Variants in LUZP2 observed in about 807,000 individuals in gnomAD.
LUZP2 encodes the protein leucine zipper protein 2.
Under a neutral mutation model 51.6 loss-of-function variants are expected in LUZP2, and 52 were observed. The ratio of observed to expected loss-of-function variants is 1.01; its 90% CI spans 0.81 to 1.27. The LOEUF (loss-of-function observed/expected upper bound fraction) is 1.27. Ranked by LOEUF, LUZP2 falls within the 50% of genes most tolerant of loss-of-function variation. The pLI is 0.00. For synonymous variants in LUZP2, 154 were observed against 137.3 expected (o/e 1.12, Z -0.85); for missense variants, 436 against 395.4 (o/e 1.10, Z -0.87).
chr11:24,860,428 C>T (rs1416647533), intron 5 of LUZP2, among the ~76,000 whole-genome samples: 1 of 152,046 alleles, frequency 6.6e-6, no homozygotes, highest in Non-Finnish European at 1.5e-5. Flanking sequence ...GAAGCACAGC[C>T]CCACCACCAA....
intron 1 of LUZP2, among the ~76,000 whole-genome samples, chr11:24,551,655 C>T (rs565464368): frequency 1.3e-5 from 2 of 151,710 alleles, no homozygotes; most frequent in East Asian, 3.9e-4. Context: ...CAAAATATAT[C>T]AAAATTTGAC....
chr11:24,551,662 T>A (rs901270514), intron 1 of LUZP2, among the ~76,000 whole-genome samples: 2 of 151,908 alleles, frequency 1.3e-5, no homozygotes, highest in African/African-American at 4.8e-5. Context: ...TATCAAAATT[T>A]GACACAGTCA....
chr11:24,771,825 T>G lies in LUZP2; in HGVS notation c.396+8517T>G, dbSNP rs890929093. ...GATCTGATGGTTTTATAAATTAGAGTTACCCTGCACAAGCTCTTCTTGCCT... is the reference window on the plus strand; with the variant it reads ...GATCTGATGGTTTTATAAATTAGAGGTACCCTGCACAAGCTCTTCTTGCCT... On this transcript the variant is annotated intron_variant, in intron 5 of 11. Transcript: ENST00000336930. Among the ~76,000 whole-genome samples, 3 of 151,992 alleles carry G rather than the reference T, an allele frequency of 2.0e-5. No individual in the cohort carries two copies. The East Asian group carries it at 5.8e-4, about 29-fold the overall frequency.
chr11:24,937,907 A>G (rs1854634827), intron 7 of LUZP2, among the ~76,000 whole-genome samples: 1 of 151,838 alleles, frequency 6.6e-6, no homozygotes, highest in African/African-American at 2.4e-5. Context: ...TCTCAAAAAA[A>G]AAAAAAAGAA....
chr11:25,010,822 G>T (rs1856964004), intron 9 of LUZP2, among the ~76,000 whole-genome samples: 1 of 152,032 alleles, frequency 6.6e-6, no homozygotes, highest in Non-Finnish European at 1.5e-5. Flanking sequence ...ACTCCAGCCT[G>T]GGTGACAGAG....
At chr11:24,621,710 T>C (rs1159737022) in intron 1 of LUZP2, among the ~76,000 whole-genome samples, 1 of 152,212 alleles carries the variant, frequency 6.6e-6, no homozygotes, top group Non-Finnish European at 1.5e-5. Context: ...ATGCTCATTA[T>C]TCTCATAGAA....
At chr11:24,600,978 A>G (rs892338782) in intron 1 of LUZP2, among the ~76,000 whole-genome samples, 8 of 152,136 alleles carry the variant, frequency 5.3e-5, no homozygotes, top group Admixed American at 3.3e-4. Context: ...TAAGAGTACT[A>G]ATCAGTTCAG....
At chr11:24,907,964 T>C (rs1853510977) in intron 6 of LUZP2, among the ~76,000 whole-genome samples, 1 of 152,188 alleles carries the variant, frequency 6.6e-6, no homozygotes, top group Non-Finnish European at 1.5e-5. Flanking sequence ...TATGTCATTA[T>C]GTATTTATGG....
chr11:24,729,136 G>T lies in LUZP2; in HGVS notation c.63-33G>T, dbSNP rs564473893. 5.8e-5 allele frequency: 69 copies of T among 1,184,728 alleles called. 1 individual carries two copies. In the South Asian group the frequency reaches 1.2e-3, roughly 21 times the overall value. 73.4% of individuals were successfully genotyped at this position (1,184,728 alleles called of 1,614,324 possible). The stretch of plus-strand genomic sequence containing the variant: ...TGACTGATGCCAAGTGGAACCATTT[G>T]GGGGGCTCTCATGCCTGTTCTTTCT... On this transcript the variant is annotated intron_variant, in intron 1 of 11. Transcript: ENST00000336930.
chr11:24,531,035 C>T (rs1422103500), intron 1 of LUZP2, among the ~76,000 whole-genome samples: 2 of 116,068 alleles, frequency 1.7e-5, no homozygotes, highest in Admixed American at 8.8e-5. Flanking sequence ...TTACTTTAGC[C>T]TCTTTTATTA....
At chr11:25,030,336 T>G (rs996399062) in intron 9 of LUZP2, among the ~76,000 whole-genome samples, 2 of 152,136 alleles carry the variant, frequency 1.3e-5, no homozygotes, top group Non-Finnish European at 2.9e-5. Flanking sequence ...TATTTCTCTA[T>G]TCTCCTATTG....
intron 10 of LUZP2, among the ~76,000 whole-genome samples, chr11:25,067,545 A>G (rs1334572365): frequency 1.3e-5 from 2 of 151,856 alleles, no homozygotes; most frequent in Non-Finnish European, 2.9e-5. Flanking sequence ...CCAAGAAGAC[A>G]TTTATGTGGC....
At chr11:24,969,466 TA>T (rs1855684168) in intron 7 of LUZP2, among the ~76,000 whole-genome samples, 1 of 152,174 alleles carries the variant, frequency 6.6e-6, no homozygotes, top group African/African-American at 2.4e-5. Context: ...TCTTATTTTT[TA>T]TGTTTTATTT....
chr11:24,583,308 C>A (rs994836754), intron 1 of LUZP2, among the ~76,000 whole-genome samples: 1 of 152,106 alleles, frequency 6.6e-6, no homozygotes, highest in African/African-American at 2.4e-5. Flanking sequence ...AGTTTGCCAG[C>A]AACCGACTTA....
intron 9 of LUZP2, among the ~76,000 whole-genome samples, chr11:25,029,572 G>C (rs1388717132): frequency 6.6e-6 from 1 of 151,648 alleles, no homozygotes; most frequent in East Asian, 1.9e-4. Context: ...CCCCATCTCT[G>C]CTAAAATTAC....
intron 1 of LUZP2, among the ~76,000 whole-genome samples, chr11:24,688,858 G>A (rs1389493769): frequency 6.6e-6 from 1 of 152,078 alleles, no homozygotes; most frequent in Non-Finnish European, 1.5e-5. Context: ...CCTGAGGTAG[G>A]CTCTGCTATC....
intron 1 of LUZP2, among the ~76,000 whole-genome samples, chr11:24,645,400 G>A (rs1200049358): frequency 6.6e-6 from 1 of 152,086 alleles, no homozygotes; most frequent in Non-Finnish European, 1.5e-5. Flanking sequence ...GAATTATATG[G>A]TATTGAACAT....
chr11:24,573,243 C>T (rs895902779), intron 1 of LUZP2, among the ~76,000 whole-genome samples: 5 of 152,024 alleles, frequency 3.3e-5, no homozygotes, highest in Non-Finnish European at 7.4e-5. Context: ...ACTCCTCCAG[C>T]ACCTAAGAGT....
intron 1 of LUZP2, among the ~76,000 whole-genome samples, chr11:24,511,062 G>T (rs1020312813): frequency 2.6e-5 from 4 of 152,150 alleles, no homozygotes; most frequent in Admixed American, 2.6e-4. Flanking sequence ...ATAAAATGGA[G>T]CCTGGGACTT....
Sources: allele counts gnomAD v4.1 joint callset (sites outside exome capture counted in the v4.1 genomes callset), GRCh38; gene constraint gnomAD v4.1.1; transcripts MANE v1.5; gene names NCBI Gene and HGNC (gene_info 2026-07-23, HGNC 2026-07-21).